The following FBLN1 variants were observed in gnomAD, a reference collection of about 807,000 sequenced individuals.
The protein encoded by FBLN1 is fibulin-1.
FBLN1 carries 34 observed loss-of-function variants against 89.7 expected under a neutral mutation model. The observed-to-expected ratio is 0.38, with a 90% CI of 0.29 to 0.50. The LOEUF (loss-of-function observed/expected upper bound fraction) is 0.50, where lower values mean the gene tolerates loss of function less well. Among genes scored for constraint, FBLN1 ranks in the 20% least tolerant of loss-of-function variants. The pLI, the probability that FBLN1 is intolerant of heterozygous loss-of-function variation, is 0.92. For missense variants in FBLN1, 777 were observed against 988.1 expected (o/e 0.79, Z 2.86); for synonymous variants, 393 against 391.3 (o/e 1.00, Z -0.05).
intron 4 of FBLN1, among the ~76,000 whole-genome samples, chr22:45,529,721 C>G (rs2088378438): frequency 6.6e-6 from 1 of 152,144 alleles, no homozygotes; most frequent in African/African-American, 2.4e-5. Flanking sequence ...CAAAAATTAG[C>G]TGGGCGTGGT....
In FBLN1 at chr22:45,583,993, T is replaced by A. The variant is rs1038548579; in HGVS notation, c.1972+6885T>A. On this transcript the variant is annotated intron_variant, in intron 16 of 16. Transcript: ENST00000327858. This position sits in a 1 kb window ranked among gnomAD's most constrained non-coding sequence, Gnocchi z 4.5. Reference sequence around the variant, plus strand: ...TGCACTATCGATGTAGGTGTGAGGGTCTTTGGGTTGTATCCAGCTGTCCCA... The same window carrying A: ...TGCACTATCGATGTAGGTGTGAGGGACTTTGGGTTGTATCCAGCTGTCCCA... Among the ~76,000 whole-genome samples the A allele has an allele frequency of 6.6e-6, 1 of 151,940 alleles. No homozygotes were observed. Among genetic ancestry groups the A allele is most frequent in the African/African-American group, 2.4e-5 (1 of 41,348 alleles).
chr22:45,564,210 C>T (rs1488622837), intron 14 of FBLN1, among the ~76,000 whole-genome samples: 2 of 152,210 alleles, frequency 1.3e-5, no homozygotes, highest in East Asian at 1.9e-4. Flanking sequence ...CCCTCCATCT[C>T]CTCCACCATG....
chr22:45,511,467 T>TA lies in FBLN1; in HGVS notation c.80-7214dup, dbSNP rs386395593. On this transcript the variant is annotated intron_variant, in intron 1 of 16. Transcript: ENST00000327858. ...CCATGCCTGGCTTTTTTTTTTTTTTTAGACAGTCTCACTCTGTCACCCAGG... is the reference window on the plus strand; with the variant it reads ...CCATGCCTGGCTTTTTTTTTTTTTTTAAGACAGTCTCACTCTGTCACCCAGG... Among the ~76,000 whole-genome samples, 57 of 147,624 alleles carry TA rather than the reference T, an allele frequency of 3.9e-4. 1 individual carries two copies. Among genetic ancestry groups the TA allele is most frequent in the South Asian group, 6.6e-4 (3 of 4,570 alleles).
rs1466687274 is a variant in FBLN1, at chr22:45,549,500, T to G, written c.1573+756T>G. Among the ~76,000 whole-genome samples the G allele has an allele frequency of 2.6e-5, 4 of 152,144 alleles. No homozygotes were observed. On this transcript the variant is annotated intron_variant, in intron 13 of 16. Transcript: ENST00000327858. The surrounding 1 kb of genome is among the most constrained non-coding windows in gnomAD (Gnocchi z 5.7). ...AAAGGCAGGCAGGAGCTGCGGTGTT[T>G]CCTGGGAGGCCCCCTCCGCTTGCCC...
In FBLN1 at chr22:45,597,443, G is replaced by A. The variant is rs1430207029; in HGVS notation, c.1973-2864G>A. ...GAAGGGTGGTAAGAAGTGTCTCTGC[G>A]CCTAGTACCAGTAAAGTTGGCAGGT... On this transcript the variant is annotated intron_variant, in intron 16 of 16. Transcript: ENST00000327858. This position sits in a 1 kb window ranked among gnomAD's most constrained non-coding sequence, Gnocchi z 4.2. 6.6e-6 allele frequency among the ~76,000 whole-genome samples: 1 copy of A among 152,174 alleles called. No homozygotes were observed.
rs759842663 is a variant in FBLN1 at position 45,580,825 on chromosome 22, C to G, written c.1972+3717C>G. ...AGAAATGCCCCGAGTCCACTAAGAA[C>G]CTGCAAGGGCCGGGTCGTCCTCTAA... On this transcript the variant is annotated intron_variant, in intron 16 of 16. Transcript: ENST00000327858. This position sits in a 1 kb window ranked among gnomAD's most constrained non-coding sequence, Gnocchi z 8.6. 2.0e-5 allele frequency among the ~76,000 whole-genome samples: 3 copies of G among 152,236 alleles called. No homozygotes were observed. The highest frequency in any genetic ancestry group is 4.4e-5 in the Non-Finnish European group (3 of 68,036).
chr22:45,600,239 C>CTT, intron 16 of FBLN1, 68 bp from the exon 17 acceptor site: 6 of 1,597,130 alleles, frequency 3.8e-6, no homozygotes, highest in Non-Finnish European at 5.1e-6. Context: ...CAAGGGAAAC[C>CTT]ATTTCCCAGA....
At chr22:45,525,816 G>A in intron 3 of FBLN1, 138 bp downstream of exon 3, 1 of 1,184,978 alleles carries the variant, frequency 8.4e-7, no homozygotes, top group South Asian at 1.4e-5. Flanking sequence ...GGGGTTCCTG[G>A]GCCAGGAGGG....
At chr22:45,515,218 A>G (rs779393123) in intron 1 of FBLN1, among the ~76,000 whole-genome samples, 16 of 152,212 alleles carry the variant, frequency 1.1e-4, no homozygotes, top group Non-Finnish European at 1.5e-4. Context: ...TCCCCTCCCC[A>G]TGCCTCTGCC....
intron 16 of FBLN1, among the ~76,000 whole-genome samples, chr22:45,586,216 T>C (rs1007464644): frequency 6.6e-6 from 1 of 152,176 alleles, no homozygotes; most frequent in Non-Finnish European, 1.5e-5. Context: ...GCCCTGTCCA[T>C]GTGAGTGCCG....
rs1218759936 is a variant in FBLN1 at position 45,583,203 on chromosome 22, C to T, written c.1972+6095C>T. Among the ~76,000 whole-genome samples, 1 of 152,188 alleles carries T rather than the reference C, an allele frequency of 6.6e-6. No individual in the cohort carries two copies. Among genetic ancestry groups the T allele is most frequent in the Non-Finnish European group, 1.5e-5 (1 of 68,028 alleles). On this transcript the variant is annotated intron_variant, in intron 16 of 16. Transcript: ENST00000327858. The surrounding 1 kb of genome is among the most constrained non-coding windows in gnomAD (Gnocchi z 4.5). ...CTGCCCAAGCAGGTCCTTTAGTCAG[C>T]TCTCTGTTGTCCCCCAAGCCCCTCA...
intron 2 of FBLN1, among the ~76,000 whole-genome samples, chr22:45,524,856 G>T (rs908870885): frequency 6.6e-6 from 1 of 152,058 alleles, no homozygotes; most frequent in Non-Finnish European, 1.5e-5. Context: ...AGGCTGAGGC[G>T]GGGGGATCAC....
At chr22:45,586,246 G>A (rs2146657391) in intron 16 of FBLN1, among the ~76,000 whole-genome samples, 1 of 152,312 alleles carries the variant, frequency 6.6e-6, no homozygotes, top group East Asian at 1.9e-4. Flanking sequence ...CCCGAGATTG[G>A]TTTTCCAGCC....
chr22:45,531,697 TC>T lies in FBLN1; in HGVS notation c.544+377del, dbSNP rs561825537. On this transcript the variant is annotated intron_variant, in intron 5 of 16. Coordinates refer to ENST00000327858, the MANE Select transcript of FBLN1 (RefSeq NM_006486.3). This position sits in a 1 kb window ranked among gnomAD's most constrained non-coding sequence, Gnocchi z 4.9. ...TGGACTCCCAGCTCCTCCTTCCCTT[TC>T]CCCTTCCAGATCTAGGGCTGGCTGG... 4.7e-3 allele frequency among the ~76,000 whole-genome samples: 712 copies of T among 152,158 alleles called. 3 individuals carry two copies. Among genetic ancestry groups the T allele is most frequent in the Middle Eastern group, 0.017 (5 of 294 alleles).
chr22:45,565,349 G>C (rs2088893442), intron 14 of FBLN1: 2 of 1,157,170 alleles, frequency 1.7e-6, no homozygotes, highest in Non-Finnish European at 2.2e-6. Context: ...CCCCACCCCA[G>C]CTCATCCATG....
intron 14 of FBLN1, among the ~76,000 whole-genome samples, chr22:45,570,681 A>G (rs1040778606): frequency 2.0e-5 from 3 of 152,250 alleles, no homozygotes; most frequent in African/African-American, 4.8e-5. Flanking sequence ...CATGGGGGAA[A>G]GTACTATACA....
intron 1 of FBLN1, among the ~76,000 whole-genome samples, chr22:45,504,700 G>A (rs978896193): frequency 2.0e-5 from 3 of 152,082 alleles, no homozygotes; most frequent in African/African-American, 4.8e-5. Flanking sequence ...TGCGGTTTGC[G>A]AACAATTTCT....
chr22:45,528,545 A>G (rs139256501), intron 4 of FBLN1, among the ~76,000 whole-genome samples: 2,778 of 152,128 alleles, frequency 0.018, 36 homozygotes, highest in Non-Finnish European at 0.028. Flanking sequence ...GGGTTTCACC[A>G]TGTTGGCCAG....
Position 45,563,415 on chromosome 22 carries a change from T to C in FBLN1, c.1698-11096T>C. The C allele has an allele frequency of 6.7e-7, 1 of 1,499,432 alleles. No homozygotes were observed. 92.9% of individuals were successfully genotyped at this position (1,499,432 alleles called of 1,614,324 possible). A position where few individuals can be genotyped will look rare whatever the true frequency, so the allele number is the denominator to read the frequency against. On this transcript the variant is annotated intron_variant, in intron 14 of 16. Coordinates refer to ENST00000327858, the MANE Select transcript of FBLN1 (RefSeq NM_006486.3). The surrounding 1 kb of genome is among the most constrained non-coding windows in gnomAD (Gnocchi z 5.7). ...ATGGTTGGGAGTCTGTGCCGCTTGT[T>C]ACCCGGGGGTGAGCTGGGCACTGGC... is the stretch of plus-strand genomic sequence containing the variant.
Sources: allele counts gnomAD v4.1 joint callset (sites outside exome capture counted in the v4.1 genomes callset), GRCh38; gene constraint gnomAD v4.1.1; non-coding constraint Gnocchi (gnomAD v3.1); transcripts MANE v1.5; gene names NCBI Gene and HGNC (gene_info 2026-07-23, HGNC 2026-07-21).